KICS2: variants seen among roughly 807,000 people sequenced by gnomAD.
KICS2 encodes the protein KICSTOR subunit 2.
Under a neutral mutation model 31.4 loss-of-function variants are expected in KICS2, and 13 were observed. That is an observed-to-expected ratio of 0.41 (90% CI 0.27 to 0.66). The LOEUF (loss-of-function observed/expected upper bound fraction) is 0.66. Ranked by LOEUF, KICS2 falls within the 30% of genes least tolerant of loss-of-function variation. The pLI is 0.28. For missense variants in KICS2, 455 were observed against 545.4 expected (o/e 0.83, Z 1.65); for synonymous variants, 209 against 214.8 (o/e 0.97, Z 0.24).
In KICS2 at chr12:64,215,888, A is replaced by T; in HGVS notation, c.311T>A (p.Val104Glu). The change falls in exon 2 of 3, where the codon GTG (valine) becomes GAG (glutamate). Residue 104 changes from valine (V) to glutamate (E), a missense_variant. Physicochemically the swap from Val to Glu is moderately radical, Grantham distance 121. Coordinates refer to ENST00000398055, the MANE Select transcript of KICS2 (RefSeq NM_152440.5). ...ACCCAGGGCACCACGGCCAGTCACC[A>T]CCTTCTTCAGCTCATTATGCAATGA... ...YTSLHNELKK[V>E]VTGRGALGGT... is the part of the protein sequence containing the mutation. 6.2e-7 allele frequency: 1 copy of T among 1,613,844 alleles called. No individual in the cohort carries two copies. Among genetic ancestry groups the T allele is most frequent in the South Asian group, 1.1e-5 (1 of 90,978 alleles).
intron 2 of KICS2, among the ~76,000 whole-genome samples, chr12:64,202,753 T>A (rs1025168008): frequency 2.0e-5 from 3 of 151,794 alleles, no homozygotes; most frequent in Admixed American, 1.3e-4. Context: ...ATCCCATAGA[T>A]TAGTACCTGC....
intron 1 of KICS2, among the ~76,000 whole-genome samples, chr12:64,217,744 C>T (rs372885848): frequency 1.5e-4 from 23 of 150,900 alleles, no homozygotes; most frequent in Middle Eastern, 3.4e-3. Flanking sequence ...GAGGCTGCAG[C>T]GAGCCGAAAT....
At chr12:64,195,164 C>T (rs1176407135) in intron 2 of KICS2, among the ~76,000 whole-genome samples, 1 of 152,180 alleles carries the variant, frequency 6.6e-6, no homozygotes, top group South Asian at 2.1e-4. Flanking sequence ...ATCTTCCCAC[C>T]TTGGCCTTCC....
At chr12:64,218,598 A>T (rs146412346) in intron 1 of KICS2, among the ~76,000 whole-genome samples, 47 of 152,336 alleles carry the variant, frequency 3.1e-4, no homozygotes, top group African/African-American at 1.1e-3. Flanking sequence ...GGAGCTTCAA[A>T]TACTACAAAA....
intron 1 of KICS2, among the ~76,000 whole-genome samples, chr12:64,217,105 C>T (rs181264809): frequency 2.0e-5 from 3 of 152,228 alleles, no homozygotes; most frequent in African/African-American, 7.2e-5. Context: ...ATTCATTGCT[C>T]GGTTTATGTT....
At chr12:64,212,645 T>A (rs953886683) in intron 2 of KICS2, among the ~76,000 whole-genome samples, 1 of 152,234 alleles carries the variant, frequency 6.6e-6, no homozygotes, top group Non-Finnish European at 1.5e-5. Flanking sequence ...TGAACATTCA[T>A]GTCAATGGTT....
Position 64,192,075 on chromosome 12 carries a change from CAT to C in KICS2, c.*1765_*1766del, listed in dbSNP as rs2037384055. 1 of 141,494 alleles carries C rather than the reference CAT, an allele frequency of 7.1e-6. No homozygotes were observed. Among genetic ancestry groups the C allele is most frequent in the Non-Finnish European group, 1.5e-5 (1 of 65,358 alleles). The allele number at this position is 141,494 out of a possible 1,614,324, so 8.8% of individuals were successfully genotyped here. A position where few individuals can be genotyped will look rare whatever the true frequency, so the allele number is the denominator to read the frequency against. ...AAAAAAAAAAAAAAAAGGAAAAACACATGTTCTTCCCAGAAAATAAAAAATAG... is the reference window on the plus strand; with the variant it reads ...AAAAAAAAAAAAAAAAGGAAAAACACGTTCTTCCCAGAAAATAAAAAATAG... On this transcript the variant is annotated 3_prime_UTR_variant, in exon 3 of 3. Coordinates refer to ENST00000398055, the MANE Select transcript of KICS2 (RefSeq NM_152440.5).
Position 64,192,921 on chromosome 12 carries a change from C to G in KICS2, c.*921G>C. 2.0e-6 allele frequency: 2 copies of G among 985,352 alleles called. No individual in the cohort carries two copies. The highest frequency in any genetic ancestry group is 2.4e-6 in the Non-Finnish European group (2 of 829,924). The allele number at this position is 985,352 out of a possible 1,614,324, so 61.0% of individuals were successfully genotyped here. A position where few individuals can be genotyped will look rare whatever the true frequency, so the allele number is the denominator to read the frequency against. On this transcript the variant is annotated 3_prime_UTR_variant, in exon 3 of 3. Transcript: ENST00000398055. Reference sequence around the variant, plus strand: ...TTTAGCAAGTACAGCGTATGAAGACCTTCATTTTGATTTTATAAAAGTAGG... The same window carrying G: ...TTTAGCAAGTACAGCGTATGAAGACGTTCATTTTGATTTTATAAAAGTAGG...
At chr12:64,209,070 A>C (rs2037562953) in intron 2 of KICS2, among the ~76,000 whole-genome samples, 1 of 152,126 alleles carries the variant, frequency 6.6e-6, no homozygotes. Context: ...GGAAAACAAA[A>C]ACAAAAACCC....
intron 1 of KICS2, among the ~76,000 whole-genome samples, chr12:64,220,001 C>G (rs2037664765): frequency 6.6e-6 from 1 of 152,062 alleles, no homozygotes; most frequent in Non-Finnish European, 1.5e-5. Context: ...TGTAAGCACA[C>G]TGATATCATA....
intron 2 of KICS2, among the ~76,000 whole-genome samples, chr12:64,213,863 G>T (rs889132618): frequency 6.6e-6 from 1 of 152,118 alleles, no homozygotes; most frequent in Non-Finnish European, 1.5e-5. Flanking sequence ...ATCATTAGAG[G>T]GGCAAAACCT....
At chr12:64,190,704 A>G (rs183223068), downstream of KICS2, among the ~76,000 whole-genome samples, 1,213 of 152,090 alleles carry the variant, frequency 8.0e-3, 17 homozygotes, top group African/African-American at 0.026. Context: ...AGCTATGATC[A>G]TGCCACTGTA....
At chr12:64,205,936 T>C (rs1246684836) in intron 2 of KICS2, among the ~76,000 whole-genome samples, 1 of 152,184 alleles carries the variant, frequency 6.6e-6, no homozygotes, top group Non-Finnish European at 1.5e-5. Context: ...CCAAAAGGTA[T>C]ATGTCCTTAT....
chr12:64,211,479 C>T (rs1414347036), intron 2 of KICS2, among the ~76,000 whole-genome samples: 2 of 152,016 alleles, frequency 1.3e-5, no homozygotes, highest in Non-Finnish European at 1.5e-5. Context: ...ATTAGCCAGG[C>T]GTGGTGGCGC....
At chr12:64,214,157 C>T (rs1014841640) in intron 2 of KICS2, among the ~76,000 whole-genome samples, 37 of 152,208 alleles carry the variant, frequency 2.4e-4, no homozygotes, top group African/African-American at 8.9e-4. Flanking sequence ...AAATTAAGTA[C>T]AAATTTTCAA....
At chr12:64,215,552 TA>T in intron 2 of KICS2, 125 bp downstream of exon 2, 2 of 892,008 alleles carry the variant, frequency 2.2e-6, no homozygotes, top group Non-Finnish European at 3.3e-6. Context: ...GTATAAAATG[TA>T]ATCCAGTTAT....
intron 2 of KICS2, among the ~76,000 whole-genome samples, chr12:64,210,284 G>GA (rs906807408): frequency 2.0e-4 from 30 of 152,104 alleles, no homozygotes; most frequent in African/African-American, 7.0e-4. Context: ...AATTGTAGAT[G>GA]AAAAAAGACA....
At chr12:64,221,173 TAC>T (rs903605151) in intron 1 of KICS2, among the ~76,000 whole-genome samples, 1 of 152,274 alleles carries the variant, frequency 6.6e-6, no homozygotes, top group South Asian at 2.1e-4. Context: ...GTATTTTATA[TAC>T]GTGTCCTTCA....
rs145342560 is a variant in KICS2, at chr12:64,208,951, T to G, written c.521+6727A>C. 5.3e-3 allele frequency among the ~76,000 whole-genome samples: 802 copies of G among 152,210 alleles called. 12 individuals carry two copies. The highest frequency in any genetic ancestry group is 0.018 in the African/African-American group (768 of 41,524). On this transcript the variant is annotated intron_variant, in intron 2 of 2. Coordinates refer to ENST00000398055, the MANE Select transcript of KICS2 (RefSeq NM_152440.5). ...TACAATCTATCTTGCAAATTTGTTT[T>G]AACCATGAAACAGAAAAATCAGCCA...
Sources: gnomAD v4.1 joint callset for allele counts (sites outside exome capture counted in the v4.1 genomes callset) on GRCh38, gnomAD v4.1.1 for gene constraint, MANE v1.5 for transcripts, NCBI Gene and HGNC (gene_info 2026-07-23, HGNC 2026-07-21) for gene names.